APP: variants seen among roughly 807,000 people sequenced by gnomAD.
APP encodes amyloid-beta precursor protein.
Under a neutral mutation model 101.4 loss-of-function variants are expected in APP, and 31 were observed. That is an observed-to-expected ratio of 0.31 (90% CI 0.23 to 0.41). The LOEUF (loss-of-function observed/expected upper bound fraction) is 0.41. Ranked by LOEUF, APP falls within the 10% of genes least tolerant of loss-of-function variation. The probability of loss-of-function intolerance (pLI) is 1.00; values close to 1 mark genes in which losing one functional copy is unlikely to be tolerated. For synonymous variants in APP, 366 were observed against 364.4 expected (o/e 1.00, Z -0.05); for missense variants, 839 against 1,003.7 (o/e 0.84, Z 2.22).
chr21:25,995,989 ATCT>A (rs1319734847), intron 8 of APP, among the ~76,000 whole-genome samples: 1 of 151,880 alleles, frequency 6.6e-6, no homozygotes, highest in Non-Finnish European at 1.5e-5. Context: ...ATTATAAAAT[ATCT>A]AAGTTACAAC....
intron 11 of APP, among the ~76,000 whole-genome samples, chr21:25,961,592 C>G (rs769461672): frequency 5.3e-5 from 8 of 152,170 alleles, no homozygotes; most frequent in Non-Finnish European, 8.8e-5. Context: ...CCAGGCTTAA[C>G]ATTTGTTATT....
intron 8 of APP, among the ~76,000 whole-genome samples, chr21:25,982,940 G>A (rs1207448238): frequency 6.7e-3 from 1 of 150 alleles, no homozygotes; most frequent in South Asian, 0.12. Flanking sequence ...CCAGGGAAAA[G>A]GTAAATGTAT....
At chr21:26,023,356 C>T (rs956821584) in intron 5 of APP, among the ~76,000 whole-genome samples, 4 of 147,890 alleles carry the variant, frequency 2.7e-5, no homozygotes, top group Non-Finnish European at 5.9e-5. Flanking sequence ...ACGGTGAGAC[C>T]CTGTCTCCAA....
At position 26,009,003 on chromosome 21, in the gene APP, C is replaced by G. The variant is rs550561506; in HGVS notation, c.866-8821G>C. Among the ~76,000 whole-genome samples, 14 of 152,248 alleles carry G rather than the reference C, an allele frequency of 9.2e-5. No homozygotes were observed. In the South Asian group the frequency reaches 2.9e-3, roughly 32 times the overall value. On this transcript the variant is annotated intron_variant, in intron 6 of 17. Coordinates refer to ENST00000346798, the MANE Select transcript of APP (RefSeq NM_000484.4). ...GAGTCAACACCACCTGGGACTCAGG[C>G]CCCCCATACAGACTCAACAACGATT...
intron 5 of APP, among the ~76,000 whole-genome samples, chr21:26,037,922 T>C (rs998276653): frequency 4.6e-5 from 7 of 152,202 alleles, no homozygotes; most frequent in Non-Finnish European, 1.0e-4. Flanking sequence ...TCTTACTTAT[T>C]AGTAGTTAGA....
At chr21:26,076,584 T>A (rs1378983603) in intron 3 of APP, among the ~76,000 whole-genome samples, 1 of 152,146 alleles carries the variant, frequency 6.6e-6, no homozygotes, top group Non-Finnish European at 1.5e-5. Context: ...CTAAAGTCTA[T>A]CAAATGGGCA....
intron 3 of APP, among the ~76,000 whole-genome samples, chr21:26,080,976 G>A (rs2061587717): frequency 1.3e-5 from 2 of 152,002 alleles, no homozygotes; most frequent in Admixed American, 1.3e-4. Context: ...ACAACAATAT[G>A]TTATACTGAG....
intron 11 of APP, among the ~76,000 whole-genome samples, chr21:25,972,139 CAA>C (rs2146559012): frequency 6.6e-6 from 1 of 151,948 alleles, no homozygotes; most frequent in Admixed American, 6.6e-5. Flanking sequence ...TCCATAGGTT[CAA>C]AAGTTAAGAT....
chr21:25,983,327 T>C (rs536604830), intron 8 of APP, among the ~76,000 whole-genome samples: 1 of 152,194 alleles, frequency 6.6e-6, no homozygotes, highest in East Asian at 1.9e-4. Flanking sequence ...ATATTTAACA[T>C]AAAAAACAAA....
intron 5 of APP, among the ~76,000 whole-genome samples, chr21:26,026,805 G>A (rs1480339915): frequency 6.6e-6 from 1 of 152,176 alleles, no homozygotes; most frequent in Non-Finnish European, 1.5e-5. Context: ...CAAACTCACA[G>A]AATAAACAAT....
intron 3 of APP, among the ~76,000 whole-genome samples, chr21:26,076,568 T>G (rs1273565452): frequency 6.6e-6 from 1 of 152,204 alleles, no homozygotes; most frequent in Admixed American, 6.5e-5. Context: ...ACAGGGAAAT[T>G]CAGCCCTAAA....
At chr21:26,082,547 T>C (rs2061619205) in intron 3 of APP, among the ~76,000 whole-genome samples, 1 of 152,220 alleles carries the variant, frequency 6.6e-6, no homozygotes, top group African/African-American at 2.4e-5. Flanking sequence ...AGTAATGATT[T>C]TTAAAAACTA....
rs1331429797 is a variant in APP, at chr21:25,954,538, T to C, written c.1687+52A>G. 5 of 1,483,924 alleles carry C rather than the reference T, an allele frequency of 3.4e-6. No homozygotes were observed. In the East Asian group the frequency reaches 9.1e-5, roughly 27 times the overall value. 91.9% of individuals were successfully genotyped at this position (1,483,924 alleles called of 1,614,324 possible). A position where few individuals can be genotyped will look rare whatever the true frequency, so the allele number is the denominator to read the frequency against. On this transcript the variant is annotated intron_variant, in intron 13 of 17. Transcript: ENST00000346798. ...AGATAACTCACTTCCTCAATTTTCCTCTGGGGGAAAATACATGTCCATGTG... is the reference window on the plus strand; with the variant it reads ...AGATAACTCACTTCCTCAATTTTCCCCTGGGGGAAAATACATGTCCATGTG...
chr21:26,097,993 TG>T (rs1289274247), intron 2 of APP, among the ~76,000 whole-genome samples: 1 of 141,408 alleles, frequency 7.1e-6, no homozygotes, highest in Non-Finnish European at 1.5e-5. Flanking sequence ...GGCAGGAGAA[TG>T]GCGTGAACCT....
intron 3 of APP, among the ~76,000 whole-genome samples, chr21:26,079,861 C>T (rs1262310091): frequency 2.6e-5 from 4 of 152,168 alleles, no homozygotes; most frequent in Non-Finnish European, 4.4e-5. Context: ...TGGTGGCTCA[C>T]GCCTGTAATC....
chr21:25,980,685 AAAC>A (rs1163643309), intron 9 of APP, among the ~76,000 whole-genome samples: 11 of 87,050 alleles, frequency 1.3e-4, no homozygotes, highest in African/African-American at 5.5e-4. Flanking sequence ...AAAACAAAAC[AAAC>A]AAACAAAAAA....
chr21:25,903,167 G>C (rs2146289571), intron 15 of APP, among the ~76,000 whole-genome samples: 1 of 152,026 alleles, frequency 6.6e-6, no homozygotes. Context: ...AGTAGTTCGA[G>C]ACCAGCCTGG....
At chr21:25,946,011 G>C (rs567182687) in intron 13 of APP, 1 of 416,932 alleles carries the variant, frequency 2.4e-6, no homozygotes, top group South Asian at 1.7e-5. Flanking sequence ...AATGGTGCTG[G>C]GACACTGGAT....
chr21:25,886,566 T>G (rs565441374), intron 17 of APP, among the ~76,000 whole-genome samples: 2 of 151,964 alleles, frequency 1.3e-5, no homozygotes, highest in South Asian at 4.2e-4. Flanking sequence ...GCTAATTTTT[T>G]GTATTTTTAT....
Sources: gnomAD v4.1 joint callset for allele counts (sites outside exome capture counted in the v4.1 genomes callset) on GRCh38, gnomAD v4.1.1 for gene constraint, MANE v1.5 for transcripts, NCBI Gene and HGNC (gene_info 2026-07-23, HGNC 2026-07-21) for gene names.